The following AGO2 variants were observed in gnomAD, a reference collection of about 807,000 sequenced individuals.
AGO2 encodes protein argonaute-2.
AGO2 carries 5 observed loss-of-function variants against 102.3 expected under a neutral mutation model. The observed-to-expected ratio is 0.05, with a 90% CI of 0.03 to 0.10. The LOEUF is 0.10. Ranked by LOEUF, AGO2 falls within the 10% of genes least tolerant of loss-of-function variation. The probability of loss-of-function intolerance (pLI) is 1.00; values close to 1 mark genes in which losing one functional copy is unlikely to be tolerated. For missense variants in AGO2, 541 were observed against 1,183.7 expected (o/e 0.46, Z 7.97); for synonymous variants, 449 against 473.1 (o/e 0.95, Z 0.66).
chr8:140,631,157 C>A (rs2074335900), intron 1 of AGO2, among the ~76,000 whole-genome samples: 1 of 150,868 alleles, frequency 6.6e-6, no homozygotes. Context: ...GCCCAAAAAA[C>A]AAAAATTTTG....
chr8:140,620,904 A>T (rs1033064587), intron 1 of AGO2, among the ~76,000 whole-genome samples: 6 of 152,094 alleles, frequency 3.9e-5, no homozygotes, highest in Admixed American at 1.3e-4. Flanking sequence ...ATTCAACGTA[A>T]ATCTGGTCTC....
At chr8:140,560,317 A>ACC in intron 5 of AGO2, 57 bp downstream of exon 5, 1 of 1,580,690 alleles carries the variant, frequency 6.3e-7, no homozygotes, top group Non-Finnish European at 8.6e-7. Flanking sequence ...CGGGGTCCTG[A>ACC]CCCCCCAGCC....
intron 1 of AGO2, among the ~76,000 whole-genome samples, chr8:140,606,974 G>A (rs2074005855): frequency 6.6e-6 from 1 of 151,176 alleles, no homozygotes; most frequent in Admixed American, 6.6e-5. Context: ...TTAAGGCCAG[G>A]CATGGTGGCT....
At position 140,567,336 on chromosome 8, in the gene AGO2, C is replaced by G. The variant is rs1338037831; in HGVS notation, c.337-4702G>C. Among the ~76,000 whole-genome samples the G allele has an allele frequency of 6.6e-6, 1 of 152,242 alleles. No homozygotes were observed. The highest frequency in any genetic ancestry group is 1.5e-5 in the Non-Finnish European group (1 of 68,040). On this transcript the variant is annotated intron_variant, in intron 3 of 18. Transcript: ENST00000220592. This position sits in a 1 kb window ranked among gnomAD's most constrained non-coding sequence, Gnocchi z 5.0. ...CCACGAGGGCAGGAGGCACATGGCT[C>G]TCCAAGGGACAGGCACCGTGTGCGT...
At chr8:140,621,420 C>T (rs138241170) in intron 1 of AGO2, among the ~76,000 whole-genome samples, 38 of 152,242 alleles carry the variant, frequency 2.5e-4, no homozygotes, top group African/African-American at 8.9e-4. Context: ...ACCGTGAGCT[C>T]GCAAGGCAGA....
chr8:140,606,579 C>T (rs952373746), intron 1 of AGO2, among the ~76,000 whole-genome samples: 2 of 152,214 alleles, frequency 1.3e-5, no homozygotes, highest in Non-Finnish European at 2.9e-5. Context: ...TAAGCCTATA[C>T]ATTCTGACAA....
chr8:140,612,265 C>T (rs1298168129), intron 1 of AGO2, among the ~76,000 whole-genome samples: 1 of 139,958 alleles, frequency 7.1e-6, no homozygotes. Flanking sequence ...AAAAAGACTT[C>T]TGGTTAGTTC....
intron 14 of AGO2, 88 bp from the exon 15 acceptor site, chr8:140,541,446 G>T: frequency 8.0e-7 from 1 of 1,257,166 alleles, no homozygotes; most frequent in Non-Finnish European, 1.1e-6. Flanking sequence ...AGATGGGGAC[G>T]AGAAGTGTCC....
intron 1 of AGO2, among the ~76,000 whole-genome samples, chr8:140,634,947 G>A (rs1261928304): frequency 6.6e-6 from 1 of 152,028 alleles, no homozygotes; most frequent in Non-Finnish European, 1.5e-5. Flanking sequence ...CGCGGCTGGG[G>A]TCGGGACCGG....
chr8:140,552,740 G>GCGCGCGCACACA (rs111262864), intron 10 of AGO2, among the ~76,000 whole-genome samples: 60 of 130,970 alleles, frequency 4.6e-4, no homozygotes, highest in African/African-American at 6.4e-4. Context: ...GCGCGCGCGC[G>GCGCGCGCACACA]CACACACACA....
chr8:140,523,365 AATTC>A lies in AGO2; in HGVS notation c.*8675_*8678del, dbSNP rs1357313064. The A allele has an allele frequency of 6.6e-6, 1 of 152,196 alleles. No homozygotes were observed. Among genetic ancestry groups the A allele is most frequent in the Non-Finnish European group, 1.5e-5 (1 of 68,032 alleles). 9.4% of individuals were successfully genotyped at this position (152,196 alleles called of 1,614,324 possible). ...CAAAAATCCATCTATGGAACTTCTG[AATTC>A]ATTTTTGGTTCTTTTTCAATTATTT... On this transcript the variant is annotated 3_prime_UTR_variant, in exon 19 of 19. Coordinates refer to ENST00000220592, the MANE Select transcript of AGO2 (RefSeq NM_012154.5).
At position 140,520,915 on chromosome 8, in the gene AGO2, A is replaced by AT. The variant is rs2072407438; in HGVS notation, c.*11128dup. The AT allele has an allele frequency of 6.6e-6, 1 of 152,098 alleles. No homozygotes were observed. Among genetic ancestry groups the AT allele is most frequent in the South Asian group, 2.1e-4 (1 of 4,818 alleles). The allele number at this position is 152,098 out of a possible 1,614,324, so 9.4% of individuals were successfully genotyped here. On this transcript the variant is annotated 3_prime_UTR_variant, in exon 19 of 19. Coordinates refer to ENST00000220592, the MANE Select transcript of AGO2 (RefSeq NM_012154.5). ...AACCTTCGAGCCAGATATTGCAGCA[A>AT]TTTTTTTAAATTTTTTTAAATTTTT...
At chr8:140,556,964 G>A in intron 8 of AGO2, 125 bp downstream of exon 8, 9 of 1,365,724 alleles carry the variant, frequency 6.6e-6, no homozygotes, top group Non-Finnish European at 9.0e-6. Flanking sequence ...CCGCATTCCT[G>A]CAGCAGCAGA....
Position 140,589,065 on chromosome 8 carries a change from C to G in AGO2, c.23-3754G>C, listed in dbSNP as rs978354438. The stretch of plus-strand genomic sequence containing the variant: ...GACGTCAGCAGAGGTGGGCGGCAGG[C>G]GAGCCTCCTGCAGGAGCAGGCGGTC... On this transcript the variant is annotated intron_variant, in intron 1 of 18. Coordinates refer to ENST00000220592, the MANE Select transcript of AGO2 (RefSeq NM_012154.5). This position sits in a 1 kb window ranked among gnomAD's most constrained non-coding sequence, Gnocchi z 4.2. 6.6e-6 allele frequency among the ~76,000 whole-genome samples: 1 copy of G among 152,214 alleles called. No individual in the cohort carries two copies. Among genetic ancestry groups the G allele is most frequent in the African/African-American group, 2.4e-5 (1 of 41,460 alleles).
chr8:140,590,643 C>G (rs2073734215), intron 1 of AGO2, among the ~76,000 whole-genome samples: 1 of 152,216 alleles, frequency 6.6e-6, no homozygotes, highest in African/African-American at 2.4e-5. Flanking sequence ...GCTCCTGCCT[C>G]TAGCCAGAGC....
In AGO2 at chr8:140,541,056, G is replaced by A. The variant is rs561026175; in HGVS notation, c.2034+108C>T. The A allele has an allele frequency of 1.6e-4, 203 of 1,303,628 alleles. No individual in the cohort carries two copies. In the East Asian group the frequency reaches 3.1e-3, roughly 20 times the overall value. The allele number at this position is 1,303,628 out of a possible 1,614,324, so 80.8% of individuals were successfully genotyped here. A position where few individuals can be genotyped will look rare whatever the true frequency, so the allele number is the denominator to read the frequency against. On this transcript the variant is annotated intron_variant, in intron 15 of 18. Coordinates refer to ENST00000220592, the MANE Select transcript of AGO2 (RefSeq NM_012154.5). ...GTGTGACCAGATCAGCCTTGGGGCC[G>A]AATGAGAGCCACATCATTCTTGCCA...
intron 1 of AGO2, among the ~76,000 whole-genome samples, chr8:140,606,933 T>C (rs1352187740): frequency 6.7e-6 from 1 of 150,112 alleles, no homozygotes; most frequent in African/African-American, 2.5e-5. Flanking sequence ...CAAGACTGCC[T>C]CAAAATAATA....
chr8:140,594,916 A>G (rs1405685061), intron 1 of AGO2, among the ~76,000 whole-genome samples: 2 of 152,160 alleles, frequency 1.3e-5, no homozygotes, highest in African/African-American at 4.8e-5. Context: ...ACAAACCTAA[A>G]GGTATAAACG....
intron 1 of AGO2, among the ~76,000 whole-genome samples, chr8:140,607,535 G>GA (rs1235609318): frequency 1.6e-4 from 21 of 131,020 alleles, no homozygotes; most frequent in Non-Finnish European, 4.9e-5. Flanking sequence ...CACACGTATG[G>GA]AAAAAAACAA....
Sources: allele counts gnomAD v4.1 joint callset (sites outside exome capture counted in the v4.1 genomes callset), GRCh38; gene constraint gnomAD v4.1.1; non-coding constraint Gnocchi (gnomAD v3.1); transcripts MANE v1.5; gene names NCBI Gene and HGNC (gene_info 2026-07-23, HGNC 2026-07-21).